Variants in NXN observed in about 807,000 individuals in gnomAD.
NXN encodes nucleoredoxin 1.
In NXN, 16 loss-of-function variants were observed where a neutral mutation model predicts 48.6. The ratio of observed to expected loss-of-function variants is 0.33; its 90% CI spans 0.22 to 0.50. NXN has a LOEUF of 0.50. Among genes scored for constraint, NXN ranks in the 20% least tolerant of loss-of-function variants. The probability of loss-of-function intolerance (pLI) is 0.98; values close to 1 mark genes in which losing one functional copy is unlikely to be tolerated. For synonymous variants in NXN, 281 were observed against 269.6 expected, an observed-to-expected ratio of 1.04 and a Z score of -0.41; for missense variants, 492 against 605.5, an observed-to-expected ratio of 0.81 and a Z score of 1.97.
intron 1 of NXN, among the ~76,000 whole-genome samples, chr17:863,467 G>A (rs1372230176): frequency 1.3e-5 from 2 of 151,894 alleles, no homozygotes; most frequent in Non-Finnish European, 2.9e-5. Context: ...ACGCTCAGCC[G>A]TGTTTTGTTT....
chr17:940,770 C>CCAA (rs2068963977), intron 1 of NXN, among the ~76,000 whole-genome samples: 1 of 150,426 alleles, frequency 6.6e-6, no homozygotes, highest in Non-Finnish European at 1.5e-5. Context: ...GAATTCAGAT[C>CCAA]ACATCTCCCT....
rs141680727 is a variant in NXN at position 915,070 on chromosome 17, G to A, written c.360+64249C>T. Among the ~76,000 whole-genome samples, 448 of 151,252 alleles carry A rather than the reference G, an allele frequency of 3.0e-3. 1 individual carries two copies. The highest frequency in any genetic ancestry group is 5.2e-3 in the Non-Finnish European group (350 of 67,694). On this transcript the variant is annotated intron_variant, in intron 1 of 7. Coordinates refer to ENST00000336868, the MANE Select transcript of NXN (RefSeq NM_022463.5). ...CTGCCTCAGCCTCCCAAATAGCTGG[G>A]AATACAGGCACCCGCCACAACGCCA...
chr17:958,993 G>A lies in NXN; in HGVS notation c.360+20326C>T. 4.8e-6 allele frequency: 1 copy of A among 209,648 alleles called. No individual in the cohort carries two copies. The allele number at this position is 209,648 out of a possible 1,614,324, so 13.0% of individuals were successfully genotyped here. ...CACACGATACGAGTTCTTTCATCTTGCAAGAAAGAATCATGCGGATGTGCG... is the reference window on the plus strand; with the variant it reads ...CACACGATACGAGTTCTTTCATCTTACAAGAAAGAATCATGCGGATGTGCG... On this transcript the variant is annotated intron_variant, in intron 1 of 7. Coordinates refer to ENST00000336868, the MANE Select transcript of NXN (RefSeq NM_022463.5). The surrounding 1 kb of genome is among the most constrained non-coding windows in gnomAD (Gnocchi z 6.9).
intron 1 of NXN, among the ~76,000 whole-genome samples, chr17:908,575 T>C (rs979215407): frequency 6.6e-6 from 1 of 152,062 alleles, no homozygotes; most frequent in African/African-American, 2.4e-5. Context: ...TGTTCTACTT[T>C]TTTGGACCGA....
At chr17:852,357 G>A (rs1398187966) in intron 1 of NXN, among the ~76,000 whole-genome samples, 1 of 152,164 alleles carries the variant, frequency 6.6e-6, no homozygotes, top group Non-Finnish European at 1.5e-5. Context: ...TGACCAGGAC[G>A]TGGGCCACAG....
chr17:910,552 A>G (rs539209715), intron 1 of NXN: 1 of 152,310 alleles, frequency 6.6e-6, no homozygotes, highest in Admixed American at 6.5e-5. Context: ...AGAAGAATTT[A>G]TCATCCGTTC....
At chr17:809,944 G>C (rs78906611) in intron 5 of NXN, among the ~76,000 whole-genome samples, 7,972 of 115,878 alleles carry the variant, frequency 0.069, 710 homozygotes, top group East Asian at 0.11. Context: ...TGGCGTGTAC[G>C]TTACGAGTCT....
At chr17:928,023 G>A (rs999233747) in intron 1 of NXN, among the ~76,000 whole-genome samples, 1 of 151,996 alleles carries the variant, frequency 6.6e-6, no homozygotes, top group African/African-American at 2.4e-5. Flanking sequence ...ACCACAGATT[G>A]TAAACTTGAA....
intron 7 of NXN, among the ~76,000 whole-genome samples, chr17:803,067 A>G (rs1179886633): frequency 6.6e-6 from 1 of 152,202 alleles, no homozygotes; most frequent in Non-Finnish European, 1.5e-5. Context: ...TGCAGGGTGC[A>G]GGGTTCCAGG....
At position 956,635 on chromosome 17, in the gene NXN, G is replaced by C. The variant is rs890095607; in HGVS notation, c.360+22684C>G. Among the ~76,000 whole-genome samples, 1 of 152,048 alleles carries C rather than the reference G, an allele frequency of 6.6e-6. No homozygotes were observed. The highest frequency in any genetic ancestry group is 1.5e-5 in the Non-Finnish European group (1 of 68,002). ...TCACCGTGTTAGCCAGGATGGTCTC[G>C]ATCTCCAGACCTCAGGTGATCCGTC... On this transcript the variant is annotated intron_variant, in intron 1 of 7. Transcript: ENST00000336868. This position sits in a 1 kb window ranked among gnomAD's most constrained non-coding sequence, Gnocchi z 4.1.
intron 1 of NXN, among the ~76,000 whole-genome samples, chr17:912,233 C>G (rs1425785855): frequency 6.6e-6 from 1 of 152,056 alleles, no homozygotes; most frequent in Non-Finnish European, 1.5e-5. Context: ...CCACCACACC[C>G]GGCCAAATAC....
chr17:811,594 C>G (rs1418694926), intron 5 of NXN, among the ~76,000 whole-genome samples: 2 of 152,160 alleles, frequency 1.3e-5, no homozygotes, highest in African/African-American at 2.4e-5. Context: ...CTTGGTGAGC[C>G]CAGTGGTCCT....
intron 1 of NXN, among the ~76,000 whole-genome samples, chr17:900,735 G>A (rs886064475): frequency 4.6e-5 from 7 of 151,786 alleles, no homozygotes; most frequent in Non-Finnish European, 5.9e-5. Context: ...CAGAGAAGAC[G>A]GCCAAAAAAA....
At chr17:915,139 T>C (rs1294904143) in intron 1 of NXN, among the ~76,000 whole-genome samples, 2 of 152,156 alleles carry the variant, frequency 1.3e-5, no homozygotes, top group Non-Finnish European at 2.9e-5. Context: ...TTTCACCATA[T>C]TGGCCAGGCT....
chr17:866,754 T>TA (rs1025693429), intron 1 of NXN, among the ~76,000 whole-genome samples: 8 of 152,220 alleles, frequency 5.3e-5, no homozygotes, highest in African/African-American at 1.4e-4. Context: ...AAGGACTTTT[T>TA]AACTGAATCA....
rs547816547 is a variant in NXN, at chr17:822,604, G to A, written c.613-147C>T. 9.0e-5 allele frequency: 55 copies of A among 609,828 alleles called. 1 individual carries two copies. In the Middle Eastern group the frequency reaches 5.7e-3, roughly 63 times the overall value. The allele number at this position is 609,828 out of a possible 1,614,324, so 37.8% of individuals were successfully genotyped here. On this transcript the variant is annotated intron_variant, in intron 3 of 7. Coordinates refer to ENST00000336868, the MANE Select transcript of NXN (RefSeq NM_022463.5). ...AAAGGGGTGGAAATGAGATGGGTAT[G>A]GTGGCTACCTGGGAGGCTGAGGTCA...
At chr17:894,972 C>A (rs1301516614) in intron 1 of NXN, among the ~76,000 whole-genome samples, 1 of 146,396 alleles carries the variant, frequency 6.8e-6, no homozygotes, top group Non-Finnish European at 1.5e-5. Context: ...CTTTCTCTCT[C>A]ATCCTTTCCT....
rs112552150 is a variant in NXN, at chr17:886,796, G to C, written c.361-60718C>G. Reference sequence around the variant, plus strand: ...CTGTCTCAAAAAAAAAAAAAAAATAGAAATAATACCTCTTACTACACTGGA... The same window carrying C: ...CTGTCTCAAAAAAAAAAAAAAAATACAAATAATACCTCTTACTACACTGGA... On this transcript the variant is annotated intron_variant, in intron 1 of 7. Transcript: ENST00000336868. Among the ~76,000 whole-genome samples the C allele has an allele frequency of 4.3e-3, 644 of 149,696 alleles. 11 individuals are homozygous for C. Among genetic ancestry groups the C allele is most frequent in the African/African-American group, 0.015 (622 of 40,602 alleles).
intron 1 of NXN, among the ~76,000 whole-genome samples, chr17:943,410 A>G (rs1454335289): frequency 6.6e-6 from 1 of 152,138 alleles, no homozygotes; most frequent in African/African-American, 2.4e-5. Context: ...AGAGGCCCCG[A>G]GTGATGACCT....
Sources: allele counts gnomAD v4.1 joint callset (sites outside exome capture counted in the v4.1 genomes callset), GRCh38; gene constraint gnomAD v4.1.1; non-coding constraint Gnocchi (gnomAD v3.1); transcripts MANE v1.5; gene names NCBI Gene and HGNC (gene_info 2026-07-23, HGNC 2026-07-21).